IL31RA: variants seen among roughly 807,000 people sequenced by gnomAD.
The protein encoded by IL31RA is interleukin-31 receptor subunit alpha.
Under a neutral mutation model 83.7 loss-of-function variants are expected in IL31RA, and 66 were observed. That is an observed-to-expected ratio of 0.79 (90% CI 0.65 to 0.97). The LOEUF is 0.97. Ranked by LOEUF, IL31RA falls within the 50% of genes least tolerant of loss-of-function variation. IL31RA has a pLI of 0.00. For synonymous variants in IL31RA, 325 were observed against 329.0 expected (o/e 0.99, Z 0.13); for missense variants, 798 against 919.4 (o/e 0.87, Z 1.71).
chr5:55,879,291 G>A (rs1229620142), intron 4 of IL31RA, among the ~76,000 whole-genome samples: 1 of 152,056 alleles, frequency 6.6e-6, no homozygotes, highest in East Asian at 1.9e-4. Context: ...TGGGGCAAGG[G>A]CAAGTAAGAC....
intron 1 of IL31RA, chr5:55,853,455 A>G (rs987772330): frequency 6.5e-7 from 1 of 1,541,792 alleles, no homozygotes. Context: ...TGGATAAATT[A>G]AAGTCCAGAT....
At chr5:55,876,148 C>T (rs1294647832) in intron 4 of IL31RA, among the ~76,000 whole-genome samples, 1 of 152,166 alleles carries the variant, frequency 6.6e-6, no homozygotes, top group Non-Finnish European at 1.5e-5. Flanking sequence ...TGGCTCATGC[C>T]TGTAATCCCA....
rs777744004 is a variant in IL31RA at position 55,900,012 on chromosome 5, A to G, written c.949A>G (p.Thr317Ala). ...NTNLTETMNT[T>A]NQQLELHLGG... ...TAACCTCACAGAAACAATGAACACTACTAACCAGCAGCTTGAACTGCATCT... is the reference window on the plus strand; with the variant it reads ...TAACCTCACAGAAACAATGAACACTGCTAACCAGCAGCTTGAACTGCATCT... Residue 317 changes from threonine to alanine, a missense_variant, in exon 8 of 15, where the codon ACT (threonine) becomes GCT (alanine). Thr to Ala is a moderately conservative substitution (Grantham distance 58). Transcript: ENST00000652347. 1 of 1,613,934 alleles carries G rather than the reference A, an allele frequency of 6.2e-7. No homozygotes were observed. Among genetic ancestry groups the G allele is most frequent in the Non-Finnish European group, 8.5e-7 (1 of 1,179,786 alleles).
In IL31RA at chr5:55,908,380, C is replaced by A; in HGVS notation, c.1470C>A (p.Ile490=). The A allele has an allele frequency of 1.2e-6, 2 of 1,614,160 alleles. No homozygotes were observed. Among genetic ancestry groups the A allele is most frequent in the Non-Finnish European group, 1.7e-6 (2 of 1,180,042 alleles). Reference sequence around the variant, plus strand: ...AGGGTATCATCTGCAACTACACCATCTTTTACCAAGCTGAAGGTGGAAAAG... The same window carrying A: ...AGGGTATCATCTGCAACTACACCATATTTTACCAAGCTGAAGGTGGAAAAG... ...ERKGIICNYT[I]FYQAEGGKGF... The change falls in exon 11 of 15, where the codon ATC becomes ATA. Residue 490 remains isoleucine, a synonymous_variant. Coordinates refer to ENST00000652347, the MANE Select transcript of IL31RA (RefSeq NM_139017.7).
In IL31RA at chr5:55,899,930, C is replaced by T; in HGVS notation, c.867C>T (p.Ala289=). The change falls in exon 8 of 15, where the codon GCC becomes GCT. Residue 289 remains alanine, a synonymous_variant. Coordinates refer to ENST00000652347, the MANE Select transcript of IL31RA (RefSeq NM_139017.7). The part of the protein sequence containing the change: ...VRLLWKKARG[A]PVLEKTLGYN... ...TTTGGGTTCAGAAGGCAAGAGGAGC[C>T]CCAGTCCTAGAGAAAACACTTGGCT... is the stretch of plus-strand genomic sequence containing the variant. 6.2e-7 allele frequency: 1 copy of T among 1,613,894 alleles called. No individual in the cohort carries two copies. The highest frequency in any genetic ancestry group is 8.5e-7 in the Non-Finnish European group (1 of 1,179,840).
intron 4 of IL31RA, among the ~76,000 whole-genome samples, chr5:55,873,657 A>T (rs1166432097): frequency 1.3e-5 from 2 of 152,056 alleles, no homozygotes. Flanking sequence ...ATGTCTAATG[A>T]TATTGAACAT....
intron 3 of IL31RA, among the ~76,000 whole-genome samples, chr5:55,869,542 C>T (rs1746385732): frequency 6.6e-6 from 1 of 152,076 alleles, no homozygotes; most frequent in African/African-American, 2.4e-5. Flanking sequence ...GGTGTGATCT[C>T]AGCTCACTAC....
upstream of IL31RA, among the ~76,000 whole-genome samples, chr5:55,846,649 T>A (rs576872058): frequency 6.6e-6 from 1 of 151,812 alleles, no homozygotes; most frequent in East Asian, 2.0e-4. Flanking sequence ...ATACAAAAAT[T>A]AGCCAAGCTT....
chr5:55,867,085 TTGTGTGTG>T (rs758628114), intron 2 of IL31RA, among the ~76,000 whole-genome samples: 1 of 87,626 alleles, frequency 1.1e-5, no homozygotes, highest in African/African-American at 3.5e-5. Context: ...GCATGTGTGT[TTGTGTGTG>T]TGTGTTTGTG....
At chr5:55,881,230 A>G (rs1747194396) in intron 4 of IL31RA, among the ~76,000 whole-genome samples, 1 of 151,918 alleles carries the variant, frequency 6.6e-6, no homozygotes, top group African/African-American at 2.4e-5. Flanking sequence ...TGAACCCGGA[A>G]GGCGGAGCTT....
In IL31RA at chr5:55,922,058, G is replaced by T. The variant is rs557868300; in HGVS notation, c.*4938G>T. Among the ~76,000 whole-genome samples, 1 of 146,380 alleles carries T rather than the reference G, an allele frequency of 6.8e-6. No individual in the cohort carries two copies. The highest frequency in any genetic ancestry group is 2.0e-4 in the East Asian group (1 of 5,058). On this transcript the variant is annotated 3_prime_UTR_variant, in exon 15 of 15. Transcript: ENST00000652347. ...TCTTGCACTCTTATGTTGTGGCGGG[G>T]GGGGGGGGCGGTTCCTGAAGAGTGG... is the stretch of plus-strand genomic sequence containing the variant.
At chr5:55,915,244 A>C (rs1170484044) in intron 14 of IL31RA, among the ~76,000 whole-genome samples, 1 of 152,182 alleles carries the variant, frequency 6.6e-6, no homozygotes, top group Non-Finnish European at 1.5e-5. Context: ...TGATGGGCTA[A>C]TTAGAGAGAG....
Position 55,890,083 on chromosome 5 carries a change from A to C in IL31RA, c.720A>C (p.Ser240=). The part of the protein sequence containing the change: ...VIALRCAVKE[S]KFWSDWSQEK... ...CTCTGCGATGTGCGGTCAAGGAGTC[A>C]AAGTTCTGGAGTGACTGGAGCCAAG... Residue 240 remains serine, a synonymous_variant, in exon 6 of 15, where the codon TCA becomes TCC. Coordinates refer to ENST00000652347, the MANE Select transcript of IL31RA (RefSeq NM_139017.7). The C allele has an allele frequency of 6.2e-7, 1 of 1,613,974 alleles. No homozygotes were observed. Among genetic ancestry groups the C allele is most frequent in the Non-Finnish European group, 8.5e-7 (1 of 1,179,882 alleles).
intron 4 of IL31RA, among the ~76,000 whole-genome samples, chr5:55,876,849 C>T (rs894084887): frequency 6.6e-6 from 1 of 152,074 alleles, no homozygotes; most frequent in Non-Finnish European, 1.5e-5. Context: ...TCTGCTTTGG[C>T]CTCCCAAAAT....
In IL31RA at chr5:55,906,191, C is replaced by A; in HGVS notation, c.1155C>A (p.Asn385Lys). 1 of 1,614,118 alleles carries A rather than the reference C, an allele frequency of 6.2e-7. No individual in the cohort carries two copies. Among genetic ancestry groups the A allele is most frequent in the Non-Finnish European group, 8.5e-7 (1 of 1,180,006 alleles). Residue 385 changes from asparagine (N) to lysine (K), a missense_variant, in exon 9 of 15, where the codon AAC (asparagine) becomes AAA (lysine). Coordinates refer to ENST00000652347, the MANE Select transcript of IL31RA (RefSeq NM_139017.7). The stretch of plus-strand genomic sequence containing the variant: ...GGCAAAGCTCTGCTCTAGACGTGAA[C>A]ACTTGGATGATTGAATGGTTTCCGG... ...VKWQSSALDV[N>K]TWMIEWFPDV...
rs145402156 is a variant in IL31RA, at chr5:55,911,612, AT to A, written c.1642+941del. 5.8e-3 allele frequency among the ~76,000 whole-genome samples: 886 copies of A among 152,300 alleles called. 13 individuals are homozygous for A. Among genetic ancestry groups the A allele is most frequent in the African/African-American group, 0.02 (834 of 41,556 alleles). On this transcript the variant is annotated intron_variant, in intron 12 of 14. Transcript: ENST00000652347. Reference sequence around the variant, plus strand: ...GTAAAATAAAATGTAGCTTCATATGATGGCTGGTTAAGGGAGATATTTAGAG... The same window carrying A: ...GTAAAATAAAATGTAGCTTCATATGAGGCTGGTTAAGGGAGATATTTAGAG...
rs1484875176 is a variant in IL31RA at position 55,916,776 on chromosome 5, AT to A, written c.1955del (p.Phe652SerfsTer13). 6.2e-7 allele frequency: 1 copy of A among 1,614,186 alleles called. No homozygotes were observed. Among genetic ancestry groups the A allele is most frequent in the Admixed American group, 1.7e-5 (1 of 60,030 alleles). On this transcript the variant is annotated frameshift_variant, in exon 15 of 15. Coordinates refer to ENST00000652347, the MANE Select transcript of IL31RA (RefSeq NM_139017.7). LOFTEE classifies it low-confidence loss of function (END_TRUNC). ...VVNFGNVLQEIFTDEARTGQE... is the reference protein window; with the variant it reads ...VVNFGNVLQEXFTDEARTGQE... ...GAACTTTGGGAATGTTCTGCAAGAA[AT>A]TTTCACAGATGAAGCCAGAACGGGT...
intron 10 of IL31RA, 29 bp downstream of exon 10, chr5:55,907,489 A>G (rs763909857): frequency 4.8e-6 from 7 of 1,447,992 alleles, no homozygotes; most frequent in Middle Eastern, 1.7e-4. Flanking sequence ...CTGTGGGGAA[A>G]AGGAAACAGT....
In IL31RA at chr5:55,853,555, C is replaced by T. The variant is rs190185736; in HGVS notation, c.63+1922C>T. On this transcript the variant is annotated intron_variant, in intron 1 of 14. Coordinates refer to ENST00000652347, the MANE Select transcript of IL31RA (RefSeq NM_139017.7). ...CAGCAGAACATCTGTGGAACATCCC[C>T]TGATACATGAAGGTGAGTGCTAATT... is the stretch of plus-strand genomic sequence containing the variant. The T allele has an allele frequency of 6.5e-3, 10,013 of 1,550,846 alleles. 43 individuals are homozygous for T. The highest frequency in any genetic ancestry group is 8.0e-3 in the Non-Finnish European group (9,145 of 1,146,874).
Sources: allele counts gnomAD v4.1 joint callset (sites outside exome capture counted in the v4.1 genomes callset), GRCh38; gene constraint gnomAD v4.1.1; transcripts MANE v1.5; gene names NCBI Gene and HGNC (gene_info 2026-07-23, HGNC 2026-07-21).